The following SEC24A variants were observed in gnomAD, a reference collection of about 807,000 sequenced individuals.
SEC24A encodes SEC24 homolog A, COPII component.
In SEC24A, 93 loss-of-function variants were observed where a neutral mutation model predicts 129.4. The ratio of observed to expected loss-of-function variants is 0.72; its 90% CI spans 0.61 to 0.85. SEC24A has a LOEUF of 0.85. SEC24A is among the 40% of genes least tolerant of loss of function. The probability of loss-of-function intolerance (pLI) is 0.00; values close to 1 mark genes in which losing one functional copy is unlikely to be tolerated. For missense variants in SEC24A, 1,264 were observed against 1,307.4 expected (o/e 0.97, Z 0.51); for synonymous variants, 460 against 467.3 (o/e 0.98, Z 0.20).
chr5:134,698,217 G>C (rs114160424), intron 15 of SEC24A, among the ~76,000 whole-genome samples, 160 bp downstream of exon 15: 1,634 of 152,148 alleles, frequency 0.011, 31 homozygotes, highest in African/African-American at 0.037. Context: ...CCAAAAAAAG[G>C]GGGCCTATTG....
At position 134,687,185 on chromosome 5, in the gene SEC24A, C is replaced by T. The variant is rs142310443; in HGVS notation, c.1604+283C>T. On this transcript the variant is annotated intron_variant, in intron 10 of 22. Transcript: ENST00000398844. The stretch of plus-strand genomic sequence containing the variant: ...CATCCTTCCCCTTTCATGCACATAC[C>T]TTTTCCCACCTTGAGTATTTGAAAG... Among the ~76,000 whole-genome samples, 36 of 152,216 alleles carry T rather than the reference C, an allele frequency of 2.4e-4. No individual in the cohort carries two copies. The East Asian group carries it at 6.4e-3, about 27-fold the overall frequency.
rs767211398 is a variant in SEC24A at position 134,674,634 on chromosome 5, C to A, written c.837C>A (p.Asn279Lys). 1.1e-5 allele frequency: 18 copies of A among 1,613,458 alleles called. No individual in the cohort carries two copies. Among genetic ancestry groups the A allele is most frequent in the Non-Finnish European group, 1.5e-5 (18 of 1,179,702 alleles). The stretch of plus-strand genomic sequence containing the variant: ...TTCTAGCAACACCACAGCTTACTAA[C>A]AAGAATCCCAAAATGAGCCGAAGTG... ...GGLLATPQLT[N>K]KNPKMSRSVG... The change falls in exon 5 of 23, where the codon AAC becomes AAA. Residue 279 changes from asparagine to lysine, a missense_variant. Coordinates refer to ENST00000398844, the MANE Select transcript of SEC24A (RefSeq NM_021982.3).
chr5:134,720,414 TAAC>T (rs1752597544), intron 20 of SEC24A, among the ~76,000 whole-genome samples: 1 of 152,186 alleles, frequency 6.6e-6, no homozygotes, highest in African/African-American at 2.4e-5. Flanking sequence ...AGAAATCACT[TAAC>T]AACACGTTTC....
chr5:134,665,212 G>C (rs1750616310), intron 2 of SEC24A, among the ~76,000 whole-genome samples: 1 of 151,724 alleles, frequency 6.6e-6, no homozygotes, highest in Admixed American at 6.6e-5. Flanking sequence ...ACTTTGAGAG[G>C]CCGAGGCGGG....
rs1430350880 is a variant in SEC24A at position 134,697,934 on chromosome 5, T to C, written c.2143T>C (p.Tyr715His). Residue 715 changes from tyrosine to histidine, a missense_variant, in exon 15 of 23, where the codon TAC becomes CAC. Transcript: ENST00000398844. ...TCGGTATTCAGCAGGTAGTGTCTAT[T>C]ACTATCCCTCTTACCATCATCAGCA... Reference protein sequence around the residue: ...ISRYSAGSVYYYPSYHHQHNP... With the variant: ...ISRYSAGSVYHYPSYHHQHNP... The C allele has an allele frequency of 6.2e-7, 1 of 1,613,894 alleles. No homozygotes were observed. Among genetic ancestry groups the C allele is most frequent in the East Asian group, 2.2e-5 (1 of 44,890 alleles).
chr5:134,668,698 C>T (rs1216471152), intron 3 of SEC24A, among the ~76,000 whole-genome samples: 1 of 151,460 alleles, frequency 6.6e-6, no homozygotes, highest in Non-Finnish European at 1.5e-5. Context: ...CGCACTCCAG[C>T]CTGGGTGACA....
intron 16 of SEC24A, among the ~76,000 whole-genome samples, chr5:134,705,070 T>TTA (rs764489420): frequency 0.05 from 6,680 of 133,242 alleles, 213 homozygotes; most frequent in Non-Finnish European, 0.073. Context: ...ATATTTATAT[T>TTA]TATATATATA....
intron 18 of SEC24A, among the ~76,000 whole-genome samples, chr5:134,709,521 C>T (rs1238847715): frequency 1.3e-5 from 2 of 152,170 alleles, no homozygotes; most frequent in Admixed American, 6.6e-5. Flanking sequence ...CAAGAAGGCA[C>T]ACATGCACTG....
intron 8 of SEC24A, among the ~76,000 whole-genome samples, chr5:134,681,219 G>C (rs556779182): frequency 6.6e-6 from 1 of 150,600 alleles, no homozygotes; most frequent in African/African-American, 2.4e-5. Context: ...CCAATGTAGT[G>C]AAACCCCATC....
chr5:134,699,190 A>G (rs1751923942), intron 15 of SEC24A, among the ~76,000 whole-genome samples: 1 of 151,318 alleles, frequency 6.6e-6, no homozygotes, highest in African/African-American at 2.4e-5. Flanking sequence ...TTAGCCTCCC[A>G]AAGTGTTAGG....
At position 134,672,934 on chromosome 5, in the gene SEC24A, G is replaced by A. The variant is rs1006160810; in HGVS notation, c.817+1048G>A. Among the ~76,000 whole-genome samples the A allele has an allele frequency of 4.0e-5, 6 of 151,344 alleles. No homozygotes were observed. The East Asian group carries it at 9.7e-4, about 25-fold the overall frequency. ...TATTTTTGTAGAGATGGGGGGGTGG[G>A]TCTCAATATATTGCCTGGGCTGGTC... On this transcript the variant is annotated intron_variant, in intron 4 of 22. Coordinates refer to ENST00000398844, the MANE Select transcript of SEC24A (RefSeq NM_021982.3).
rs372719326 is a variant in SEC24A, at chr5:134,671,816, A to T, written c.747A>T (p.Thr249=). The T allele has an allele frequency of 6.3e-7, 1 of 1,593,848 alleles. No individual in the cohort carries two copies. The highest frequency in any genetic ancestry group is 1.3e-5 in the African/African-American group (1 of 74,150). The change falls in exon 4 of 23, where the codon ACA becomes ACT. Residue 249 remains threonine (T), a synonymous_variant. Transcript: ENST00000398844. ...GATGAACTTCCTTCTTAGGTATTAC[A>T]TCAAATACCAATAACGGATCTATGG... The part of the protein sequence containing the change: ...FNSAVNQEGI[T]SNTNNGSMVV...
intron 7 of SEC24A, among the ~76,000 whole-genome samples, chr5:134,678,853 T>G (rs188909236): frequency 3.6e-4 from 55 of 152,228 alleles, no homozygotes; most frequent in African/African-American, 1.3e-3. Context: ...GTGCTGGGAT[T>G]ACAGGCATGA....
In SEC24A at chr5:134,675,037, A is replaced by G. The variant is rs759126125; in HGVS notation, c.979-8A>G. 1.3e-6 allele frequency: 2 copies of G among 1,563,064 alleles called. No individual in the cohort carries two copies. Among genetic ancestry groups the G allele is most frequent in the African/African-American group, 1.4e-5 (1 of 72,972 alleles). Reference sequence around the variant, plus strand: ...AAAGTTACTTACTTTAAAATTATGTATCTGTAGACTCCCTTAGGTGCTAAT... The same window carrying G: ...AAAGTTACTTACTTTAAAATTATGTGTCTGTAGACTCCCTTAGGTGCTAAT... On this transcript the variant is annotated splice_polypyrimidine_tract_variant and splice_region_variant and intron_variant, in intron 5 of 22. Coordinates refer to ENST00000398844, the MANE Select transcript of SEC24A (RefSeq NM_021982.3).
At chr5:134,704,984 A>G (rs1175501846) in intron 16 of SEC24A, among the ~76,000 whole-genome samples, 1 of 151,046 alleles carries the variant, frequency 6.6e-6, no homozygotes, top group Non-Finnish European at 1.5e-5. Flanking sequence ...GTGTCTGGCC[A>G]GTATAAAACG....
chr5:134,721,185 A>G, intron 21 of SEC24A, 95 bp downstream of exon 21: 1 of 728,404 alleles, frequency 1.4e-6, no homozygotes, highest in Non-Finnish European at 2.3e-6. Context: ...TAATAACAAA[A>G]TCATACCAAA....
rs756574157 is a variant in SEC24A at position 134,718,135 on chromosome 5, C to G, written c.2932C>G (p.Leu978Val). The G allele has an allele frequency of 6.2e-7, 1 of 1,613,970 alleles. No individual in the cohort carries two copies. Among genetic ancestry groups the G allele is most frequent in the Non-Finnish European group, 8.5e-7 (1 of 1,179,990 alleles). The part of the protein sequence containing the change: ...PPILQLSVEK[L>V]SRDGAFLMDA... ...CATTCTTCAGCTTTCAGTGGAGAAGCTGAGCAGAGATGGAGCTTTCCTCAT... is the reference window on the plus strand; with the variant it reads ...CATTCTTCAGCTTTCAGTGGAGAAGGTGAGCAGAGATGGAGCTTTCCTCAT... Residue 978 changes from leucine (L) to valine (V), a missense_variant, in exon 20 of 23, where the codon CTG (leucine) becomes GTG (valine). Physicochemically the swap from Leu to Val is conservative, Grantham distance 32. Coordinates refer to ENST00000398844, the MANE Select transcript of SEC24A (RefSeq NM_021982.3).
rs901386536 is a variant in SEC24A, at chr5:134,718,075, C to T, written c.2872C>T (p.Leu958Phe). 6.2e-7 allele frequency: 1 copy of T among 1,613,412 alleles called. No individual in the cohort carries two copies. Among genetic ancestry groups the T allele is most frequent in the Non-Finnish European group, 8.5e-7 (1 of 1,179,368 alleles). The change falls in exon 20 of 23, where the codon CTC (leucine) becomes TTC (phenylalanine). Residue 958 changes from leucine (L) to phenylalanine (F), a missense_variant. By Grantham distance (22) the Leu-to-Phe change is conservative. Transcript: ENST00000398844. ...RVDNLSDEGA[L>F]NISDRTIPQP... ...CTTTTACTTAATTCCTCAGGGAGCA[C>T]TCAACATCAGTGATAGAACCATACC...
intron 7 of SEC24A, among the ~76,000 whole-genome samples, chr5:134,676,687 C>T (rs1467684435): frequency 6.6e-6 from 1 of 151,972 alleles, no homozygotes; most frequent in African/African-American, 2.4e-5. Flanking sequence ...GTGATCTGCC[C>T]ACCTCCCAAA....
Sources: allele counts gnomAD v4.1 joint callset (sites outside exome capture counted in the v4.1 genomes callset), GRCh38; gene constraint gnomAD v4.1.1; transcripts MANE v1.5; gene names NCBI Gene and HGNC (gene_info 2026-07-23, HGNC 2026-07-21).